Variants in RUNX2 observed in about 807,000 individuals in gnomAD.
RUNX2 encodes the protein RUNX family transcription factor 2.
Under a neutral mutation model 51.7 loss-of-function variants are expected in RUNX2, and 10 were observed. The observed-to-expected ratio is 0.19, with a 90% confidence interval of 0.12 to 0.33. RUNX2 has a LOEUF of 0.33. Among genes scored for constraint, RUNX2 ranks in the 10% least tolerant of loss-of-function variants. The pLI, the probability that RUNX2 is intolerant of heterozygous loss-of-function variation, is 1.00. For missense variants in RUNX2, 562 were observed against 691.3 expected, an observed-to-expected ratio of 0.81 and a Z score of 2.10; for synonymous variants, 276 against 273.6, an observed-to-expected ratio of 1.01 and a Z score of -0.09.
At chr6:45,386,079 T>C (rs868747618) in intron 2 of RUNX2, among the ~76,000 whole-genome samples, 2 of 151,760 alleles carry the variant, frequency 1.3e-5, no homozygotes, top group South Asian at 4.2e-4. Context: ...TTTTTTTTTT[T>C]TTTTTGAGAC....
chr6:45,457,384 T>C (rs538140764), intron 5 of RUNX2, among the ~76,000 whole-genome samples: 1 of 152,116 alleles, frequency 6.6e-6, no homozygotes, highest in Non-Finnish European at 1.5e-5. Context: ...TTTTTCCTCC[T>C]GGACCATCTC....
chr6:45,467,292 T>C (rs1030778244), intron 5 of RUNX2, among the ~76,000 whole-genome samples: 1 of 152,220 alleles, frequency 6.6e-6, no homozygotes, highest in Admixed American at 6.5e-5. Context: ...TATTTACTTT[T>C]ATTTTTTGAG....
At chr6:45,373,796 A>C (rs1582012097) in intron 2 of RUNX2, among the ~76,000 whole-genome samples, 1 of 151,896 alleles carries the variant, frequency 6.6e-6, no homozygotes, top group Non-Finnish European at 1.5e-5. Flanking sequence ...CAAGTGATCC[A>C]CCCATCTCAG....
intron 4 of RUNX2, among the ~76,000 whole-genome samples, chr6:45,435,556 C>T (rs1582109059): frequency 6.6e-6 from 1 of 152,074 alleles, no homozygotes; most frequent in African/African-American, 2.4e-5. Flanking sequence ...CAGGGTTTCA[C>T]CAGGTTGGCC....
intron 2 of RUNX2, among the ~76,000 whole-genome samples, chr6:45,388,519 A>G (rs1582060263): frequency 6.6e-6 from 1 of 152,324 alleles, no homozygotes; most frequent in South Asian, 2.1e-4. Context: ...GAGTTCAGCA[A>G]TCTAACTTAA....
At chr6:45,331,533 A>G (rs1208697959) in intron 2 of RUNX2, among the ~76,000 whole-genome samples, 1 of 152,002 alleles carries the variant, frequency 6.6e-6, no homozygotes, top group Non-Finnish European at 1.5e-5. Flanking sequence ...ACAAACACAG[A>G]AAATCACTCT....
chr6:45,426,175 A>G (rs1798377167), intron 3 of RUNX2, among the ~76,000 whole-genome samples: 1 of 152,232 alleles, frequency 6.6e-6, no homozygotes, highest in African/African-American at 2.4e-5. Flanking sequence ...AACAACTGGT[A>G]TACTTTATAT....
At chr6:45,392,969 T>A (rs1797502941) in intron 2 of RUNX2, among the ~76,000 whole-genome samples, 1 of 152,180 alleles carries the variant, frequency 6.6e-6, no homozygotes, top group East Asian at 1.9e-4. Context: ...TCTTTGTCCA[T>A]GTCACATCTT....
chr6:45,486,711 G>A (rs1241537934), intron 5 of RUNX2, among the ~76,000 whole-genome samples: 5 of 152,156 alleles, frequency 3.3e-5, no homozygotes, highest in African/African-American at 1.2e-4. Context: ...GCTGACTGGT[G>A]CAGTGCATCA....
At position 45,426,375 on chromosome 6, in the gene RUNX2, C is replaced by T. The variant is rs574081695; in HGVS notation, c.423+3418C>T. 7.6e-4 allele frequency among the ~76,000 whole-genome samples: 115 copies of T among 152,242 alleles called. 2 individuals carry two copies. The highest frequency in any genetic ancestry group is 2.5e-4 in the Non-Finnish European group (17 of 68,010). On this transcript the variant is annotated intron_variant, in intron 3 of 8. Transcript: ENST00000647337. ...TTTCTATCCTAGATAATTCTAGTGA[C>T]AAAGAAGTAATTTGCAAATTCAGCT...
At chr6:45,444,561 G>T (rs1798939009) in intron 5 of RUNX2, among the ~76,000 whole-genome samples, 1 of 152,182 alleles carries the variant, frequency 6.6e-6, no homozygotes, top group South Asian at 2.1e-4. Context: ...GGTATTTCTA[G>T]GCTTGCCTTA....
intron 5 of RUNX2, among the ~76,000 whole-genome samples, chr6:45,486,197 A>G (rs1024884906): frequency 2.6e-5 from 4 of 152,130 alleles, no homozygotes; most frequent in African/African-American, 7.2e-5. Flanking sequence ...GATTTTCTCA[A>G]TTGATCCGCA....
At chr6:45,355,216 C>A (rs934006748) in intron 2 of RUNX2, among the ~76,000 whole-genome samples, 1 of 151,672 alleles carries the variant, frequency 6.6e-6, no homozygotes, top group African/African-American at 2.4e-5. Context: ...CCTGCCTCAG[C>A]CTCCCAAAGT....
At chr6:45,366,038 A>G (rs1795078934) in intron 2 of RUNX2, among the ~76,000 whole-genome samples, 1 of 152,154 alleles carries the variant, frequency 6.6e-6, no homozygotes, top group South Asian at 2.1e-4. Context: ...AGATTTAGTC[A>G]AAGTAACATT....
intron 5 of RUNX2, among the ~76,000 whole-genome samples, chr6:45,482,257 C>T (rs966170868): frequency 4.6e-5 from 7 of 152,098 alleles, no homozygotes; most frequent in Non-Finnish European, 7.4e-5. Flanking sequence ...TTTCTTCAGA[C>T]GTCTCAAGTT....
chr6:45,350,603 G>T (rs1266516269), intron 2 of RUNX2, among the ~76,000 whole-genome samples: 2 of 152,052 alleles, frequency 1.3e-5, no homozygotes, highest in East Asian at 3.9e-4. Context: ...GAAAAATAGG[G>T]GGATGAAAAC....
At chr6:45,454,561 A>G (rs1358041495) in intron 5 of RUNX2, among the ~76,000 whole-genome samples, 1 of 152,228 alleles carries the variant, frequency 6.6e-6, no homozygotes, top group Non-Finnish European at 1.5e-5. Flanking sequence ...CTTGTGTTTG[A>G]AGGAATAGGT....
intron 2 of RUNX2, among the ~76,000 whole-genome samples, chr6:45,384,608 T>G (rs1289624732): frequency 6.6e-6 from 1 of 151,792 alleles, no homozygotes; most frequent in Non-Finnish European, 1.5e-5. Context: ...TTATTATAAT[T>G]AGTTATTGAG....
At chr6:45,363,592 A>T (rs1246168697) in intron 2 of RUNX2, among the ~76,000 whole-genome samples, 1 of 152,122 alleles carries the variant, frequency 6.6e-6, no homozygotes, top group African/African-American at 2.4e-5. Context: ...ACCTTTTAAA[A>T]CATGCTTAGT....
Sources: gnomAD v4.1 joint callset for allele counts (sites outside exome capture counted in the v4.1 genomes callset) on GRCh38, gnomAD v4.1.1 for gene constraint, MANE v1.5 for transcripts, NCBI Gene and HGNC (gene_info 2026-07-23, HGNC 2026-07-21) for gene names.